Variants in PRKG1 observed in about 807,000 individuals in gnomAD.
The protein encoded by PRKG1 is cGMP-dependent protein kinase 1.
PRKG1 carries 35 observed loss-of-function variants against 88.1 expected under a neutral mutation model. The ratio of observed to expected loss-of-function variants is 0.40; its 90% CI spans 0.30 to 0.53. The LOEUF (loss-of-function observed/expected upper bound fraction) is 0.53, where lower values mean the gene tolerates loss of function less well. Ranked by LOEUF, PRKG1 falls within the 20% of genes least tolerant of loss-of-function variation. The pLI is 0.59. For missense variants in PRKG1, 540 were observed against 839.8 expected, an observed-to-expected ratio of 0.64 and a Z score of 4.41; for synonymous variants, 303 against 292.5, an observed-to-expected ratio of 1.04 and a Z score of -0.37.
intron 2 of PRKG1, among the ~76,000 whole-genome samples, chr10:51,155,110 G>A (rs567006322): frequency 6.6e-6 from 1 of 152,132 alleles, no homozygotes; most frequent in African/African-American, 2.4e-5. Flanking sequence ...GTTTTCCAGT[G>A]CTAATTATTG....
At chr10:51,248,890 G>A (rs1007161419) in intron 2 of PRKG1, among the ~76,000 whole-genome samples, 5 of 151,504 alleles carry the variant, frequency 3.3e-5, no homozygotes, top group Admixed American at 1.3e-4. Context: ...CTTATAAAAA[G>A]CATCCCTCAT....
intron 3 of PRKG1, among the ~76,000 whole-genome samples, chr10:51,508,560 A>G (rs1041133335): frequency 1.8e-4 from 27 of 152,134 alleles, no homozygotes; most frequent in Non-Finnish European, 2.9e-4. Flanking sequence ...TTTTTTAAAA[A>G]AAAAACCTTA....
chr10:51,162,403 G>A (rs1846386592), intron 2 of PRKG1, among the ~76,000 whole-genome samples: 1 of 152,060 alleles, frequency 6.6e-6, no homozygotes, highest in Non-Finnish European at 1.5e-5. Flanking sequence ...TTTATATTTA[G>A]GCCCTTCTAT....
intron 5 of PRKG1, among the ~76,000 whole-genome samples, chr10:51,912,112 A>T (rs1293173060): frequency 6.6e-6 from 1 of 152,218 alleles, no homozygotes; most frequent in African/African-American, 2.4e-5. Context: ...TTAAACCAAG[A>T]TCTAAATGAA....
rs138399167 is a variant in PRKG1 at position 51,146,164 on chromosome 10, G to C, written c.312-7000G>C. Among the ~76,000 whole-genome samples the C allele has an allele frequency of 7.6e-3, 1,161 of 151,810 alleles. 12 individuals are homozygous for C. Among genetic ancestry groups the C allele is most frequent in the African/African-American group, 0.026 (1,090 of 41,372 alleles). On this transcript the variant is annotated intron_variant, in intron 1 of 17. Coordinates refer to ENST00000373980, the MANE Select transcript of PRKG1 (RefSeq NM_006258.4). ...AGATCACACCACTGCACTCCAGCCT[G>C]GGTGACAGAACAAGACTCTGTCTCA... is the stretch of plus-strand genomic sequence containing the variant.
intron 2 of PRKG1, among the ~76,000 whole-genome samples, chr10:51,390,163 C>A (rs1377357746): frequency 2.6e-5 from 4 of 152,226 alleles, no homozygotes; most frequent in Non-Finnish European, 4.4e-5. Flanking sequence ...TCATGTGGAA[C>A]ACATCCAAAG....
chr10:51,050,863 C>T (rs1193070713), intron 1 of PRKG1, among the ~76,000 whole-genome samples: 1 of 152,022 alleles, frequency 6.6e-6, no homozygotes, highest in Non-Finnish European at 1.5e-5. Flanking sequence ...TGTGAAGTGA[C>T]ATCTCATTGT....
At chr10:52,283,290 G>C (rs1842039932) in intron 14 of PRKG1, among the ~76,000 whole-genome samples, 2 of 152,188 alleles carry the variant, frequency 1.3e-5, no homozygotes, top group South Asian at 4.1e-4. Context: ...GACACTGAGA[G>C]CCTAGAGTAG....
At chr10:52,232,918 T>A (rs970521244) in intron 9 of PRKG1, among the ~76,000 whole-genome samples, 1 of 152,200 alleles carries the variant, frequency 6.6e-6, no homozygotes, top group African/African-American at 2.4e-5. Context: ...TGTTTATAAC[T>A]GCAAAGTTAA....
At chr10:51,817,432 A>T (rs939027604) in intron 4 of PRKG1, among the ~76,000 whole-genome samples, 2 of 142,184 alleles carry the variant, frequency 1.4e-5, no homozygotes, top group Non-Finnish European at 3.0e-5. Context: ...CCCGCTTATG[A>T]GTGAGAATAT....
At chr10:51,758,567 T>G (rs2132522557) in intron 3 of PRKG1, among the ~76,000 whole-genome samples, 1 of 152,246 alleles carries the variant, frequency 6.6e-6, no homozygotes, top group Non-Finnish European at 1.5e-5. Context: ...CTAGTCTTGG[T>G]TTTTATTCTT....
At chr10:51,891,174 A>G (rs187485146) in intron 4 of PRKG1, among the ~76,000 whole-genome samples, 1 of 152,212 alleles carries the variant, frequency 6.6e-6, no homozygotes, top group African/African-American at 2.4e-5. Context: ...TGAAGCAGGA[A>G]GATCACGTGA....
intron 2 of PRKG1, among the ~76,000 whole-genome samples, chr10:51,238,875 A>G (rs971663940): frequency 2.6e-5 from 4 of 151,946 alleles, no homozygotes; most frequent in Non-Finnish European, 5.9e-5. Context: ...AAATATTTAC[A>G]TTTGTAATTA....
intron 1 of PRKG1, among the ~76,000 whole-genome samples, chr10:51,152,033 C>T (rs1245574057): frequency 6.6e-6 from 1 of 152,016 alleles, no homozygotes; most frequent in Non-Finnish European, 1.5e-5. Context: ...CTCTGGATTG[C>T]TAAGTTCTTT....
At chr10:52,285,328 A>G (rs1327259639) in intron 14 of PRKG1, among the ~76,000 whole-genome samples, 1 of 152,154 alleles carries the variant, frequency 6.6e-6, no homozygotes, top group East Asian at 1.9e-4. Flanking sequence ...ATTTTAAAAT[A>G]CATTATTGGA....
At chr10:51,971,922 A>C (rs539966927) in intron 5 of PRKG1, among the ~76,000 whole-genome samples, 1 of 152,316 alleles carries the variant, frequency 6.6e-6, no homozygotes, top group Non-Finnish European at 1.5e-5. Context: ...GCATCCAGGA[A>C]TCCACTATCT....
At chr10:52,008,737 T>C (rs1844803980) in intron 5 of PRKG1, among the ~76,000 whole-genome samples, 2 of 151,732 alleles carry the variant, frequency 1.3e-5, no homozygotes, top group African/African-American at 4.8e-5. Context: ...CTCCCCAGTT[T>C]TTTGGAACAG....
intron 3 of PRKG1, among the ~76,000 whole-genome samples, chr10:51,547,113 T>G (rs1001435297): frequency 5.9e-5 from 9 of 152,064 alleles, no homozygotes; most frequent in Admixed American, 2.0e-4. Context: ...AGGTTTTATA[T>G]TCACCCTAAT....
chr10:51,787,020 T>A (rs1019397353), intron 3 of PRKG1, among the ~76,000 whole-genome samples: 2 of 152,116 alleles, frequency 1.3e-5, no homozygotes, highest in Admixed American at 1.3e-4. Flanking sequence ...GATCTGAACA[T>A]TTTTGGTCAT....
Sources: gnomAD v4.1 joint callset for allele counts (sites outside exome capture counted in the v4.1 genomes callset) on GRCh38, gnomAD v4.1.1 for gene constraint, MANE v1.5 for transcripts, NCBI Gene and HGNC (gene_info 2026-07-23, HGNC 2026-07-21) for gene names.